The following CSMD1 variants were observed in gnomAD, a reference collection of about 807,000 sequenced individuals.
CSMD1 encodes the protein CUB and Sushi multiple domains 1.
Under a neutral mutation model 417.5 loss-of-function variants are expected in CSMD1, and 213 were observed. That is an observed-to-expected ratio of 0.51 (90% CI 0.46 to 0.57). The LOEUF (loss-of-function observed/expected upper bound fraction) is 0.57, where lower values mean the gene tolerates loss of function less well. Ranked by LOEUF, CSMD1 falls within the 20% of genes least tolerant of loss-of-function variation. The pLI, the probability that CSMD1 is intolerant of heterozygous loss-of-function variation, is 0.00. For missense variants in CSMD1, 6,923 were observed against 4,529.7 expected, an observed-to-expected ratio of 1.53 and a Z score of -15.17; for synonymous variants, 2,862 against 1,736.8, an observed-to-expected ratio of 1.65 and a Z score of -16.11.
chr8:3,446,147 A>G (rs2117082281), intron 12 of CSMD1, among the ~76,000 whole-genome samples: 1 of 152,318 alleles, frequency 6.6e-6, no homozygotes, highest in Non-Finnish European at 1.5e-5. Flanking sequence ...GCAAGAAAGG[A>G]AATTGCCATG....
chr8:4,787,526 G>A (rs947453174), intron 1 of CSMD1: 14 of 1,170,552 alleles, frequency 1.2e-5, no homozygotes, highest in South Asian at 2.5e-5. Flanking sequence ...ATAGGAAGCA[G>A]GTATTAAAAC....
At chr8:4,750,744 A>G (rs1811264232) in intron 1 of CSMD1, among the ~76,000 whole-genome samples, 1 of 151,694 alleles carries the variant, frequency 6.6e-6, no homozygotes, top group Non-Finnish European at 1.5e-5. Flanking sequence ...ATACCGAATT[A>G]CTTCCCAAGG....
chr8:4,443,021 T>C (rs1258016172), intron 2 of CSMD1, among the ~76,000 whole-genome samples: 2 of 152,324 alleles, frequency 1.3e-5, no homozygotes, highest in Middle Eastern at 3.4e-3. Context: ...CACTGTCTAC[T>C]TTAAAGATTT....
intron 3 of CSMD1, among the ~76,000 whole-genome samples, chr8:4,281,537 G>T (rs951418769): frequency 3.9e-5 from 6 of 152,252 alleles, no homozygotes; most frequent in African/African-American, 7.2e-5. Context: ...CACATTAAAG[G>T]TCCTTTAAAA....
chr8:3,101,449 G>C (rs1563340932), intron 46 of CSMD1, among the ~76,000 whole-genome samples: 1 of 152,140 alleles, frequency 6.6e-6, no homozygotes, highest in Non-Finnish European at 1.5e-5. Context: ...TTGAGACGGA[G>C]TCTCGCTCTG....
chr8:3,710,624 A>T (rs755064777), intron 6 of CSMD1, among the ~76,000 whole-genome samples: 1 of 151,932 alleles, frequency 6.6e-6, no homozygotes, highest in Non-Finnish European at 1.5e-5. Flanking sequence ...GTATTCTGAC[A>T]CACCTGGAGA....
At position 3,343,390 on chromosome 8, in the gene CSMD1, G is replaced by A. The variant is rs372151098; in HGVS notation, c.3535C>T (p.Leu1179=). The change falls in exon 23 of 70, where the codon CTG becomes TTG. Residue 1179 remains leucine, a synonymous_variant. Coordinates refer to ENST00000635120, the MANE Select transcript of CSMD1 (RefSeq NM_033225.6). The stretch of plus-strand genomic sequence containing the variant: ...GATGTGCTGTTTAGGATCAGCCCCA[G>A]AAGTTCATTTTTAGTGAACGTGCCC... ...PLGTFTKNEL[L]GLILNSTSNH... The A allele has an allele frequency of 6.2e-7, 1 of 1,613,684 alleles. No individual in the cohort carries two copies. The highest frequency in any genetic ancestry group is 1.3e-5 in the African/African-American group (1 of 74,910).
intron 1 of CSMD1, among the ~76,000 whole-genome samples, chr8:4,862,965 T>C (rs762201489): frequency 3.3e-5 from 5 of 151,984 alleles, no homozygotes; most frequent in Non-Finnish European, 7.4e-5. Flanking sequence ...CAAAGCCAAG[T>C]CAGGGTGCCC....
intron 37 of CSMD1, among the ~76,000 whole-genome samples, chr8:3,177,968 C>A (rs1821048172): frequency 6.6e-6 from 1 of 152,132 alleles, no homozygotes; most frequent in African/African-American, 2.4e-5. Context: ...CTCACATGTC[C>A]AGTTAAGTTA....
chr8:4,683,943 T>C (rs1806210140), intron 1 of CSMD1, among the ~76,000 whole-genome samples: 2 of 152,230 alleles, frequency 1.3e-5, no homozygotes, highest in Non-Finnish European at 2.9e-5. Flanking sequence ...GAAGAGTTTT[T>C]AATCAAAAGA....
At chr8:3,705,687 G>T (rs548945441) in intron 7 of CSMD1, among the ~76,000 whole-genome samples, 1 of 152,162 alleles carries the variant, frequency 6.6e-6, no homozygotes, top group Non-Finnish European at 1.5e-5. Context: ...TGTCATATCC[G>T]CAACAAAACC....
At chr8:3,916,763 G>GA (rs1301596420) in intron 5 of CSMD1, among the ~76,000 whole-genome samples, 1 of 152,050 alleles carries the variant, frequency 6.6e-6, no homozygotes, top group African/African-American at 2.4e-5. Context: ...ACTAGAGAGA[G>GA]AAAAAATAAT....
intron 69 of CSMD1, among the ~76,000 whole-genome samples, chr8:2,939,411 AT>A (rs1801709734): frequency 6.6e-6 from 1 of 152,232 alleles, no homozygotes; most frequent in East Asian, 1.9e-4. Flanking sequence ...AAAAGGAACT[AT>A]ACTCATTATT....
At chr8:3,787,825 A>T (rs991090062) in intron 5 of CSMD1, among the ~76,000 whole-genome samples, 2 of 152,240 alleles carry the variant, frequency 1.3e-5, no homozygotes, top group Admixed American at 6.5e-5. Flanking sequence ...ATAAGAAATC[A>T]GTGTCCTATC....
chr8:4,665,300 C>A (rs1352467415), intron 1 of CSMD1, among the ~76,000 whole-genome samples: 1 of 152,200 alleles, frequency 6.6e-6, no homozygotes, highest in Non-Finnish European at 1.5e-5. Flanking sequence ...TGGCCTTCCT[C>A]TCCCTTTGCT....
intron 1 of CSMD1, among the ~76,000 whole-genome samples, chr8:4,865,078 G>A (rs192854106): frequency 1.3e-5 from 2 of 151,322 alleles, no homozygotes; most frequent in East Asian, 1.9e-4. Context: ...TGGGGTACAC[G>A]TGGTTTTCTG....
At chr8:3,016,884 A>T (rs552244851) in intron 52 of CSMD1, among the ~76,000 whole-genome samples, 1 of 152,314 alleles carries the variant, frequency 6.6e-6, no homozygotes, top group Non-Finnish European at 1.5e-5. Flanking sequence ...TTCAACATTT[A>T]TCTCATCCTT....
At position 4,594,713 on chromosome 8, in the gene CSMD1, A is replaced by G. The variant is rs144224147; in HGVS notation, c.302+42629T>C. ...AATCAAAACTAAAACCTTTCCATTTAACATTTGAAATTGTTACCTGCCTGT... is the reference window on the plus strand; with the variant it reads ...AATCAAAACTAAAACCTTTCCATTTGACATTTGAAATTGTTACCTGCCTGT... On this transcript the variant is annotated intron_variant, in intron 2 of 69. Transcript: ENST00000635120. Among the ~76,000 whole-genome samples the G allele has an allele frequency of 2.6e-3, 390 of 152,286 alleles. 3 individuals are homozygous for G. Among genetic ancestry groups the G allele is most frequent in the African/African-American group, 8.7e-3 (362 of 41,546 alleles).
intron 2 of CSMD1, among the ~76,000 whole-genome samples, chr8:4,551,663 G>C (rs1356044081): frequency 6.6e-6 from 1 of 151,808 alleles, no homozygotes; most frequent in Non-Finnish European, 1.5e-5. Context: ...CACTTCTCAG[G>C]ATCAATTTAT....
Sources: allele counts gnomAD v4.1 joint callset (sites outside exome capture counted in the v4.1 genomes callset), GRCh38; gene constraint gnomAD v4.1.1; transcripts MANE v1.5; gene names NCBI Gene and HGNC (gene_info 2026-07-23, HGNC 2026-07-21).